The following TOPBP1 variants were observed in gnomAD, a reference collection of about 807,000 sequenced individuals.
TOPBP1 encodes DNA topoisomerase 2-binding protein 1.
In TOPBP1, 28 loss-of-function variants were observed where a neutral mutation model predicts 167.7. That is an observed-to-expected ratio of 0.17 (90% CI 0.12 to 0.23). The LOEUF (loss-of-function observed/expected upper bound fraction) is 0.23. TOPBP1 is among the 10% of genes least tolerant of loss of function. The pLI, the probability that TOPBP1 is intolerant of heterozygous loss-of-function variation, is 1.00. For missense variants in TOPBP1, 1,554 were observed against 1,809.6 expected, an observed-to-expected ratio of 0.86 and a Z score of 2.56; for synonymous variants, 598 against 611.4, an observed-to-expected ratio of 0.98 and a Z score of 0.32.
chr3:133,655,517 T>C (rs753818971), intron 5 of TOPBP1, 31 bp from the exon 6 acceptor site: 6 of 1,195,148 alleles, frequency 5.0e-6, no homozygotes, highest in East Asian at 5.7e-5. Flanking sequence ...AAAAAGAACA[T>C]ATTAAATTTA....
chr3:133,624,086 C>T lies in TOPBP1; in HGVS notation c.2894G>A (p.Gly965Glu), dbSNP rs1245898359. 1.9e-6 allele frequency: 3 copies of T among 1,613,768 alleles called. No individual in the cohort carries two copies. Among genetic ancestry groups the T allele is most frequent in the Admixed American group, 3.3e-5 (2 of 60,012 alleles). ...NREYKSVKER[G>E]VHIVSEHWLL... ...CCAGTGCTCGGAAACAATGTGTACT[C>T]CTCTTTCTTTTACAGATTTATACTC... The change falls in exon 17 of 28, where the codon GGA (glycine) becomes GAA (glutamate). Residue 965 changes from glycine (G) to glutamate (E), a missense_variant. Transcript: ENST00000260810.
intron 14 of TOPBP1, among the ~76,000 whole-genome samples, chr3:133,637,302 GATTAC>G (rs1935709051): frequency 6.6e-6 from 1 of 152,106 alleles, no homozygotes; most frequent in Non-Finnish European, 1.5e-5. Context: ...TTATTTGGAA[GATTAC>G]ATTAGCCCCT....
intron 14 of TOPBP1, among the ~76,000 whole-genome samples, chr3:133,631,470 T>C (rs923052960): frequency 6.6e-6 from 1 of 152,168 alleles, no homozygotes; most frequent in Non-Finnish European, 1.5e-5. Context: ...TTAATATTGT[T>C]TCTGCTTGCA....
chr3:133,640,251 T>C (rs988502324), intron 12 of TOPBP1, 81 bp from the exon 13 acceptor site: 8 of 1,209,880 alleles, frequency 6.6e-6, no homozygotes, highest in Non-Finnish European at 9.4e-6. Flanking sequence ...AACACAACAG[T>C]GTGGTTAGAG....
intron 3 of TOPBP1, 63 bp from the exon 4 acceptor site, chr3:133,658,004 AC>A: frequency 3.9e-6 from 5 of 1,286,394 alleles, no homozygotes; most frequent in East Asian, 2.8e-5. Flanking sequence ...TTACAAAATT[AC>A]ATTTTGTAAC....
intron 17 of TOPBP1, 99 bp from the exon 18 acceptor site, chr3:133,623,556 A>G: frequency 3.8e-6 from 5 of 1,322,988 alleles, no homozygotes; most frequent in Non-Finnish European, 4.9e-6. Context: ...ATACTGTAAT[A>G]TGGCAAAAAG....
intron 8 of TOPBP1, among the ~76,000 whole-genome samples, chr3:133,650,579 T>C (rs1294677626): frequency 6.6e-6 from 1 of 152,190 alleles, no homozygotes; most frequent in African/African-American, 2.4e-5. Context: ...TATCAGTATA[T>C]ATATATTTAA....
intron 19 of TOPBP1, 43 bp downstream of exon 19, chr3:133,623,048 G>T: frequency 7.9e-7 from 1 of 1,272,418 alleles, no homozygotes; most frequent in Non-Finnish European, 1.1e-6. Context: ...TTGAGACCTT[G>T]TCTCAAAAAA....
rs780031847 is a variant in TOPBP1 at position 133,616,846 on chromosome 3, C to T, written c.3839G>A (p.Arg1280His). The change falls in exon 23 of 28, where the codon CGT becomes CAT. Residue 1280 changes from arginine (R) to histidine (H), a missense_variant. Physicochemically the swap from Arg to His is conservative, Grantham distance 29. Coordinates refer to ENST00000260810, the MANE Select transcript of TOPBP1 (RefSeq NM_007027.4). Reference sequence around the variant, plus strand: ...CTCAATCAGATGACAATAGTCAATACGTTCTTGAGGATTCAGAGATGATAA... The same window carrying T: ...CTCAATCAGATGACAATAGTCAATATGTTCTTGAGGATTCAGAGATGATAA... ...FQLSSLNPQE[R>H]IDYCHLIEKL... The T allele has an allele frequency of 9.0e-6, 14 of 1,548,888 alleles. No homozygotes were observed. Among genetic ancestry groups the T allele is most frequent in the African/African-American group, 1.4e-5 (1 of 72,612 alleles).
At chr3:133,620,983 AT>A (rs754172230) in intron 19 of TOPBP1, among the ~76,000 whole-genome samples, 46 of 151,964 alleles carry the variant, frequency 3.0e-4, no homozygotes, top group Non-Finnish European at 5.9e-4. Flanking sequence ...TCTTATAGTC[AT>A]TTGTGTATGT....
intron 23 of TOPBP1, among the ~76,000 whole-genome samples, chr3:133,613,223 T>C (rs1302811048): frequency 6.6e-6 from 1 of 152,186 alleles, no homozygotes; most frequent in Non-Finnish European, 1.5e-5. Context: ...TATTTCAGTA[T>C]GCATCTCTAG....
intron 14 of TOPBP1, among the ~76,000 whole-genome samples, chr3:133,636,517 C>T (rs1254560708): frequency 6.6e-6 from 1 of 152,096 alleles, no homozygotes; most frequent in African/African-American, 2.4e-5. Context: ...AAACACTGCT[C>T]AATAAACTAT....
At chr3:133,623,262 T>A in intron 18 of TOPBP1, 49 bp downstream of exon 18, 1 of 1,612,608 alleles carries the variant, frequency 6.2e-7, no homozygotes, top group Non-Finnish European at 8.5e-7. Context: ...CAATATATGA[T>A]TATACCTTTA....
At chr3:133,621,142 G>T (rs1327377544) in intron 19 of TOPBP1, among the ~76,000 whole-genome samples, 2 of 152,134 alleles carry the variant, frequency 1.3e-5, no homozygotes, top group Non-Finnish European at 2.9e-5. Context: ...AACCTGAGTA[G>T]CTGGCACTAC....
rs1387020607 is a variant in TOPBP1, at chr3:133,626,320, G to A, written c.2804+2042C>T. Among the ~76,000 whole-genome samples the A allele has an allele frequency of 2.0e-5, 3 of 152,184 alleles. No homozygotes were observed. In the East Asian group the frequency reaches 5.8e-4, roughly 29 times the overall value. ...GGTTATTTTGGACATTTGTGAGGGT[G>A]ATTTTGGTTGTTACAATGTGTGTTT... On this transcript the variant is annotated intron_variant, in intron 16 of 27. Transcript: ENST00000260810.
intron 23 of TOPBP1, among the ~76,000 whole-genome samples, chr3:133,616,298 T>C (rs1280425250): frequency 3.9e-5 from 6 of 152,094 alleles, no homozygotes; most frequent in Admixed American, 3.9e-4. Context: ...TTTTTTGTAT[T>C]TTTAGTAGAG....
chr3:133,658,987 C>T, intron 3 of TOPBP1, 29 bp downstream of exon 3: 5 of 1,567,506 alleles, frequency 3.2e-6, no homozygotes, highest in Non-Finnish European at 4.3e-6. Context: ...AAATAGACTA[C>T]CAAAGGTACA....
chr3:133,659,329 C>A (rs1029308058), intron 2 of TOPBP1, among the ~76,000 whole-genome samples, 179 bp from the exon 3 acceptor site: 6 of 152,094 alleles, frequency 3.9e-5, no homozygotes, highest in Non-Finnish European at 7.4e-5. Flanking sequence ...TAAATCTGTT[C>A]TCTACACAGC....
At chr3:133,630,002 G>C (rs1935414145) in intron 14 of TOPBP1, among the ~76,000 whole-genome samples, 1 of 152,000 alleles carries the variant, frequency 6.6e-6, no homozygotes, top group Non-Finnish European at 1.5e-5. Flanking sequence ...TGCTCAAGCT[G>C]ATCTCAAACT....
Sources: gnomAD v4.1 joint callset for allele counts (sites outside exome capture counted in the v4.1 genomes callset) on GRCh38, gnomAD v4.1.1 for gene constraint, MANE v1.5 for transcripts, NCBI Gene and HGNC (gene_info 2026-07-23, HGNC 2026-07-21) for gene names.